Variants in PAK5 observed in about 807,000 individuals in gnomAD.
PAK5 encodes the protein serine/threonine-protein kinase PAK 5.
A neutral mutation model predicts 65.9 loss-of-function variants in PAK5; 16 were observed. That is an observed-to-expected ratio of 0.24 (90% CI 0.16 to 0.37). PAK5 has a LOEUF of 0.37. Among genes scored for constraint, PAK5 ranks in the 10% least tolerant of loss-of-function variants. The pLI, the probability that PAK5 is intolerant of heterozygous loss-of-function variation, is 1.00. For synonymous variants in PAK5, 371 were observed against 354.9 expected (o/e 1.05, Z -0.51); for missense variants, 785 against 903.9 (o/e 0.87, Z 1.69).
rs2049114044 is a variant in PAK5 at position 9,797,162 on chromosome 20, G to A, written c.-162+41600C>T. Among the ~76,000 whole-genome samples, 4 of 151,608 alleles carry A rather than the reference G, an allele frequency of 2.6e-5. No individual in the cohort carries two copies. In the South Asian group the frequency reaches 8.4e-4, roughly 32 times the overall value. ...CCAGTGATGATGAGCATTTTTTCAT[G>A]TGTCTGTTGGCTGCATAAATGTCTT... On this transcript the variant is annotated intron_variant, in intron 1 of 9. Coordinates refer to ENST00000353224, the MANE Select transcript of PAK5 (RefSeq NM_177990.4).
At chr20:9,648,566 C>T (rs2047164023) in intron 2 of PAK5, among the ~76,000 whole-genome samples, 1 of 151,914 alleles carries the variant, frequency 6.6e-6, no homozygotes, top group African/African-American at 2.4e-5. Flanking sequence ...TCCCAGATGC[C>T]AGCCAAGGGC....
chr20:9,554,657 C>A (rs569078215), intron 7 of PAK5, among the ~76,000 whole-genome samples: 1 of 152,142 alleles, frequency 6.6e-6, no homozygotes, highest in Non-Finnish European at 1.5e-5. Context: ...CACTAATAGA[C>A]TCATATAATA....
intron 3 of PAK5, among the ~76,000 whole-genome samples, chr20:9,597,010 A>T (rs987372916): frequency 3.3e-5 from 5 of 152,200 alleles, no homozygotes; most frequent in Non-Finnish European, 7.3e-5. Context: ...CTCAAAGAAT[A>T]GATTGTGTTC....
Position 9,566,318 on chromosome 20 carries a change from C to T in PAK5, c.1057G>A (p.Gly353Ser), listed in dbSNP as rs781698677. 24 of 1,613,516 alleles carry T rather than the reference C, an allele frequency of 1.5e-5. No individual in the cohort carries two copies. In the South Asian group the frequency reaches 1.9e-4, roughly 13 times the overall value. ...TGACTTTGAGGTAGTTTGGCAGGGCCCCTGGGGTAGGTGTCAGACCCTGAC... is the reference window on the plus strand; with the variant it reads ...TGACTTTGAGGTAGTTTGGCAGGGCTCCTGGGGTAGGTGTCAGACCCTGAC... The part of the protein sequence containing the change: ...PLSGSDTYPR[G>S]PAKLPQSQSK... The change falls in exon 5 of 10, where the codon GGC becomes AGC. Residue 353 changes from glycine to serine, a missense_variant. Gly to Ser is a moderately conservative substitution (Grantham distance 56). Coordinates refer to ENST00000353224, the MANE Select transcript of PAK5 (RefSeq NM_177990.4).
intron 7 of PAK5, among the ~76,000 whole-genome samples, chr20:9,552,340 C>G (rs1158176624): frequency 6.6e-6 from 1 of 152,160 alleles, no homozygotes; most frequent in Non-Finnish European, 1.5e-5. Flanking sequence ...CAAATGTTGG[C>G]CCTAGGCCAA....
chr20:9,677,045 ATGTGTGTGTGTGTGTGTG>A (rs4053117), intron 2 of PAK5, among the ~76,000 whole-genome samples: 9 of 141,120 alleles, frequency 6.4e-5, no homozygotes, highest in African/African-American at 7.8e-5. Context: ...GGGTATGTGC[ATGTGTGTGTGTGTGTGTG>A]TGTGTGTGTG....
At chr20:9,742,324 C>A (rs1040643641) in intron 1 of PAK5, among the ~76,000 whole-genome samples, 1 of 152,126 alleles carries the variant, frequency 6.6e-6, no homozygotes, top group Non-Finnish European at 1.5e-5. Flanking sequence ...TGTCTCCATA[C>A]AAAGGTTAAC....
chr20:9,593,223 G>A (rs2046203933), intron 3 of PAK5, among the ~76,000 whole-genome samples: 1 of 151,760 alleles, frequency 6.6e-6, no homozygotes, highest in South Asian at 2.1e-4. Context: ...AGGATCCCTT[G>A]AGCCCAGGAG....
intron 1 of PAK5, among the ~76,000 whole-genome samples, chr20:9,784,012 A>C (rs747733757): frequency 2.6e-5 from 4 of 152,194 alleles, no homozygotes; most frequent in Non-Finnish European, 5.9e-5. Context: ...CTACCATGAG[A>C]CTGTAATTTA....
intron 3 of PAK5, among the ~76,000 whole-genome samples, chr20:9,587,914 C>T (rs573555530): frequency 6.6e-6 from 1 of 151,840 alleles, no homozygotes; most frequent in Non-Finnish European, 1.5e-5. Context: ...TATTAACTAT[C>T]TATAATATAG....
intron 2 of PAK5, among the ~76,000 whole-genome samples, chr20:9,672,621 A>T (rs191865462): frequency 6.6e-4 from 100 of 152,160 alleles, no homozygotes; most frequent in Non-Finnish European, 1.9e-4. Flanking sequence ...CTCCTCGGCC[A>T]TGTGGAACTG....
At chr20:9,744,046 G>A (rs759897580) in intron 1 of PAK5, among the ~76,000 whole-genome samples, 1 of 152,196 alleles carries the variant, frequency 6.6e-6, no homozygotes, top group East Asian at 1.9e-4. Flanking sequence ...ACTGCAGGAT[G>A]TGGCCACAAG....
chr20:9,675,336 A>G (rs2423412), intron 2 of PAK5, among the ~76,000 whole-genome samples: 104,168 of 151,942 alleles, frequency 0.69, 36,017 homozygotes, highest in East Asian at 0.81. Context: ...TAAAATAAGG[A>G]TCATACAGCT....
At chr20:9,568,200 G>C (rs2045715983) in intron 4 of PAK5, among the ~76,000 whole-genome samples, 1 of 152,216 alleles carries the variant, frequency 6.6e-6, no homozygotes, top group East Asian at 1.9e-4. Flanking sequence ...TGACTCTCTG[G>C]CTGCTGGAGG....
intron 1 of PAK5, among the ~76,000 whole-genome samples, chr20:9,837,381 G>A (rs1979235375): frequency 1.3e-5 from 2 of 152,172 alleles, no homozygotes; most frequent in South Asian, 4.1e-4. Flanking sequence ...AATAGTGTGA[G>A]TGCAGAGGAA....
At chr20:9,665,662 C>CTTT (rs113553567) in intron 2 of PAK5, among the ~76,000 whole-genome samples, 184 of 144,152 alleles carry the variant, frequency 1.3e-3, no homozygotes, top group African/African-American at 4.2e-3. Flanking sequence ...CTTTTCTTTT[C>CTTT]TTTTTTTTTT....
At chr20:9,656,650 G>T (rs1298633457) in intron 2 of PAK5, among the ~76,000 whole-genome samples, 1 of 152,106 alleles carries the variant, frequency 6.6e-6, no homozygotes. Context: ...TCTACTTAAT[G>T]GGGCAAATTA....
intron 1 of PAK5, among the ~76,000 whole-genome samples, chr20:9,775,400 T>C (rs1180861769): frequency 1.3e-5 from 2 of 152,110 alleles, no homozygotes; most frequent in African/African-American, 4.8e-5. Context: ...ACCCACAGGG[T>C]CCCATGGCCT....
intron 3 of PAK5, among the ~76,000 whole-genome samples, chr20:9,611,008 G>A (rs557756281): frequency 8.5e-5 from 13 of 152,324 alleles, no homozygotes; most frequent in Middle Eastern, 3.4e-3. Flanking sequence ...CTCACCAGAC[G>A]CAAAACCTGC....
Sources: allele counts gnomAD v4.1 joint callset (sites outside exome capture counted in the v4.1 genomes callset), GRCh38; gene constraint gnomAD v4.1.1; transcripts MANE v1.5; gene names NCBI Gene and HGNC (gene_info 2026-07-23, HGNC 2026-07-21).